The following PREX2 variants were observed in gnomAD, a reference collection of about 807,000 sequenced individuals.
The protein encoded by PREX2 is phosphatidylinositol 3,4,5-trisphosphate-dependent Rac exchanger 2 protein.
In PREX2, 107 loss-of-function variants were observed where a neutral mutation model predicts 203.2. The observed-to-expected ratio is 0.53, with a 90% CI of 0.45 to 0.62. The LOEUF (loss-of-function observed/expected upper bound fraction) is 0.62. Among genes scored for constraint, PREX2 ranks in the 20% least tolerant of loss-of-function variants. The probability of loss-of-function intolerance (pLI) is 0.00; values close to 1 mark genes in which losing one functional copy is unlikely to be tolerated. For synonymous variants in PREX2, 672 were observed against 663.6 expected (o/e 1.01, Z -0.19); for missense variants, 1,777 against 1,955.9 (o/e 0.91, Z 1.72).
intron 1 of PREX2, among the ~76,000 whole-genome samples, chr8:67,977,206 C>A (rs558474915): frequency 6.6e-6 from 1 of 152,298 alleles, no homozygotes; most frequent in South Asian, 2.1e-4. Flanking sequence ...CTCTCCCCGT[C>A]TTTCATTTAC....
intron 1 of PREX2, among the ~76,000 whole-genome samples, chr8:67,981,710 G>A (rs980152443): frequency 1.3e-5 from 2 of 152,216 alleles, no homozygotes; most frequent in Non-Finnish European, 2.9e-5. Flanking sequence ...AGACATCTGA[G>A]TGTAAAATAC....
intron 26 of PREX2, among the ~76,000 whole-genome samples, chr8:68,117,741 C>T (rs976482885): frequency 3.3e-5 from 5 of 152,156 alleles, no homozygotes; most frequent in Non-Finnish European, 7.3e-5. Flanking sequence ...ACCTTTCTTT[C>T]CTTGGGCATT....
chr8:68,107,399 C>T (rs766278117), intron 23 of PREX2, among the ~76,000 whole-genome samples: 12 of 151,888 alleles, frequency 7.9e-5, no homozygotes, highest in Non-Finnish European at 1.3e-4. Context: ...GAGACCTTGG[C>T]GAGGAGTAGA....
chr8:67,976,472 C>CAG (rs1166661527), intron 1 of PREX2, among the ~76,000 whole-genome samples: 1 of 66,308 alleles, frequency 1.5e-5, no homozygotes, highest in Non-Finnish European at 3.1e-5. Context: ...GAGACAGAGA[C>CAG]AGAGAGAGAG....
At chr8:68,130,849 A>G (rs1326636853) in intron 31 of PREX2, among the ~76,000 whole-genome samples, 1 of 152,222 alleles carries the variant, frequency 6.6e-6, no homozygotes, top group Non-Finnish European at 1.5e-5. Flanking sequence ...GGTGACCAGA[A>G]GAAGAGCCCC....
At chr8:68,123,044 G>T (rs1278641898) in intron 30 of PREX2, among the ~76,000 whole-genome samples, 1 of 152,024 alleles carries the variant, frequency 6.6e-6, no homozygotes, top group Non-Finnish European at 1.5e-5. Flanking sequence ...CTGAGTTCAG[G>T]TCCTGAATAT....
At chr8:68,227,652 A>T (rs1813079651) in intron 39 of PREX2, among the ~76,000 whole-genome samples, 2 of 152,172 alleles carry the variant, frequency 1.3e-5, no homozygotes, top group Admixed American at 6.6e-5. Context: ...CCCTCAGGGG[A>T]TGTCAGCACT....
Position 68,080,274 on chromosome 8 carries a change from T to TAGAA in PREX2, c.1643-165_1643-162dup, listed in dbSNP as rs796746668. 3.0e-3 allele frequency among the ~76,000 whole-genome samples: 298 copies of TAGAA among 98,032 alleles called. 2 individuals carry two copies. The highest frequency in any genetic ancestry group is 0.011 in the African/African-American group (286 of 26,536). The allele number at this position is 98,032 out of a possible 152,430, so 64.3% of individuals were successfully genotyped here. On this transcript the variant is annotated intron_variant, in intron 15 of 39. Transcript: ENST00000288368. ...GAAAGGAGACATTGGCTCGAAATTA[T>TAGAA]AGAAAGAGAAAAAAAACAAAACCCG...
At chr8:67,955,246 A>G (rs1225434621) in intron 1 of PREX2, among the ~76,000 whole-genome samples, 1 of 150,722 alleles carries the variant, frequency 6.6e-6, no homozygotes, top group Non-Finnish European at 1.5e-5. Flanking sequence ...CTCAATTCCC[A>G]CACTTTGGCC....
At chr8:67,957,061 T>C (rs1262028063) in intron 1 of PREX2, among the ~76,000 whole-genome samples, 1 of 152,214 alleles carries the variant, frequency 6.6e-6, no homozygotes, top group Non-Finnish European at 1.5e-5. Context: ...AAGAGGGTCC[T>C]ATAAGTAGTT....
intron 35 of PREX2, among the ~76,000 whole-genome samples, chr8:68,165,069 T>C (rs1294395489): frequency 6.6e-6 from 1 of 151,872 alleles, no homozygotes; most frequent in African/African-American, 2.4e-5. Flanking sequence ...GCCTTTTTTT[T>C]TTTTGGTTTT....
chr8:68,002,129 C>CTTTT (rs60762447), intron 1 of PREX2, among the ~76,000 whole-genome samples: 12 of 146,386 alleles, frequency 8.2e-5, no homozygotes, highest in East Asian at 2.0e-4. Context: ...TTAATTTTGC[C>CTTTT]TTTTTTTCTT....
At chr8:68,216,696 A>G (rs1391159408) in intron 37 of PREX2, among the ~76,000 whole-genome samples, 5 of 152,060 alleles carry the variant, frequency 3.3e-5, no homozygotes, top group Non-Finnish European at 5.9e-5. Context: ...ACAGCCGGGC[A>G]CAGTGTAATC....
intron 1 of PREX2, among the ~76,000 whole-genome samples, chr8:67,966,771 T>C (rs1805789712): frequency 6.6e-6 from 1 of 152,244 alleles, no homozygotes; most frequent in African/African-American, 2.4e-5. Flanking sequence ...TGATTGATTC[T>C]CTCCAATGAT....
At chr8:68,017,368 G>T (rs1239039465) in intron 1 of PREX2, among the ~76,000 whole-genome samples, 1 of 152,002 alleles carries the variant, frequency 6.6e-6, no homozygotes, top group African/African-American at 2.4e-5. Context: ...GGCAGGGATA[G>T]CTATCTATCT....
chr8:68,115,918 C>A lies in PREX2; in HGVS notation c.3312C>A (p.Asn1104Lys), dbSNP rs559893188. The A allele has an allele frequency of 4.3e-6, 7 of 1,610,842 alleles. No individual in the cohort carries two copies. In the South Asian group the frequency reaches 5.5e-5, roughly 13 times the overall value. The change falls in exon 26 of 40, where the codon AAC becomes AAA. Residue 1104 changes from asparagine (N) to lysine (K), a missense_variant. Coordinates refer to ENST00000288368, the MANE Select transcript of PREX2 (RefSeq NM_024870.4). ...ATTCTGGTCATGACACCATCAGCAA[C>A]AGAGACTCTTACAGGTAATTCACTA... is the stretch of plus-strand genomic sequence containing the variant. The part of the protein sequence containing the change: ...QEDSGHDTIS[N>K]RDSYSDCNSN...
chr8:68,096,608 A>C (rs1426990307), intron 21 of PREX2, among the ~76,000 whole-genome samples: 1 of 152,180 alleles, frequency 6.6e-6, no homozygotes, highest in African/African-American at 2.4e-5. Flanking sequence ...TGCTTCTTCA[A>C]TATGGCCTTC....
Position 68,080,672 on chromosome 8 carries a change from A to G in PREX2, c.1786-74A>G. On this transcript the variant is annotated intron_variant, in intron 16 of 39. Transcript: ENST00000288368. ...TTAAACATGTTTGACGGTGATGCAC[A>G]TTACTTCGTTCTGTTTGACTTGTAA... 3.5e-6 allele frequency: 5 copies of G among 1,437,422 alleles called. No homozygotes were observed. In the Admixed American group the frequency reaches 7.9e-5, roughly 23 times the overall value. 89.0% of individuals were successfully genotyped at this position (1,437,422 alleles called of 1,614,324 possible). A position where few individuals can be genotyped will look rare whatever the true frequency, so the allele number is the denominator to read the frequency against.
chr8:68,019,395 A>T (rs1167548772), intron 2 of PREX2, among the ~76,000 whole-genome samples, 154 bp from the exon 3 acceptor site: 1 of 152,170 alleles, frequency 6.6e-6, no homozygotes, highest in Non-Finnish European at 1.5e-5. Flanking sequence ...CGGCGGCGTG[A>T]AGGGGAAGTC....
Sources: allele counts gnomAD v4.1 joint callset (sites outside exome capture counted in the v4.1 genomes callset), GRCh38; gene constraint gnomAD v4.1.1; transcripts MANE v1.5; gene names NCBI Gene and HGNC (gene_info 2026-07-23, HGNC 2026-07-21).